The following EEF1E1 variants were observed in gnomAD, a reference collection of about 807,000 sequenced individuals.
EEF1E1 encodes eukaryotic translation elongation factor 1 epsilon 1.
Under a neutral mutation model 19.9 loss-of-function variants are expected in EEF1E1, and 19 were observed. The observed-to-expected ratio is 0.95, with a 90% confidence interval of 0.66 to 1.40. The LOEUF (loss-of-function observed/expected upper bound fraction) is 1.40, where lower values mean the gene tolerates loss of function less well. Ranked by LOEUF, EEF1E1 falls within the 40% of genes most tolerant of loss-of-function variation. EEF1E1 has a pLI of 0.00. For synonymous variants in EEF1E1, 81 were observed against 80.0 expected (o/e 1.01, Z -0.07); for missense variants, 198 against 202.2 (o/e 0.98, Z 0.13).
In EEF1E1 at chr6:8,073,548, A is replaced by G. The variant is rs549248889; in HGVS notation, c.385-38T>C. ...ATAAAAAAGGAGTTAATTCACTTAAAGCACTTAGAATAGTGCCTGATACAC... is the reference window on the plus strand; with the variant it reads ...ATAAAAAAGGAGTTAATTCACTTAAGGCACTTAGAATAGTGCCTGATACAC... On this transcript the variant is annotated intron_variant, in intron 3 of 3. Transcript: ENST00000429723. 2.0e-4 allele frequency: 307 copies of G among 1,551,392 alleles called. 5 individuals are homozygous for G. In the South Asian group the frequency reaches 3.5e-3, roughly 18 times the overall value.
downstream of EEF1E1, among the ~76,000 whole-genome samples, chr6:8,074,826 C>G (rs894755959): frequency 2.0e-5 from 3 of 152,066 alleles, no homozygotes; most frequent in African/African-American, 7.3e-5. Flanking sequence ...CTTGGTGGTA[C>G]CAAGTAATAC....
chr6:8,075,408 G>C (rs1212125759), downstream of EEF1E1, among the ~76,000 whole-genome samples: 3 of 152,112 alleles, frequency 2.0e-5, no homozygotes, highest in Non-Finnish European at 2.9e-5. Flanking sequence ...TTCCTTTCTA[G>C]ACCACCACAA....
chr6:8,090,934 T>G (rs1757997008), intron 2 of EEF1E1, among the ~76,000 whole-genome samples: 1 of 152,224 alleles, frequency 6.6e-6, no homozygotes, highest in East Asian at 1.9e-4. Flanking sequence ...TCGATTCCTG[T>G]GTCTATAGAC....
At chr6:8,078,453 T>A, downstream of EEF1E1, 1 of 234,454 alleles carries the variant, frequency 4.3e-6, no homozygotes, top group South Asian at 4.7e-5. Context: ...CACAGATCAG[T>A]TAACAGAGAG....
intron 2 of EEF1E1, chr6:8,095,376 AC>A: frequency 2.4e-6 from 1 of 423,684 alleles, no homozygotes; most frequent in Non-Finnish European, 4.7e-6. Flanking sequence ...GGTGGTGCAC[AC>A]CTGTAATCCC....
chr6:8,077,516 C>T (rs1757628941), downstream of EEF1E1, among the ~76,000 whole-genome samples: 1 of 152,210 alleles, frequency 6.6e-6, no homozygotes, highest in Non-Finnish European at 1.5e-5. Flanking sequence ...TCTACGTTAG[C>T]ACTTGCTGCT....
At chr6:8,079,358 G>C, downstream of EEF1E1, 1 of 965,352 alleles carries the variant, frequency 1.0e-6, no homozygotes, top group Non-Finnish European at 1.2e-6. Flanking sequence ...TCACCCCAAT[G>C]AGTACTGACT....
chr6:8,099,545 G>A (rs1447634851), intron 1 of EEF1E1, among the ~76,000 whole-genome samples: 3 of 152,128 alleles, frequency 2.0e-5, no homozygotes, highest in African/African-American at 4.8e-5. Context: ...TCGGGAGTAT[G>A]AGACTAGCCT....
downstream of EEF1E1, among the ~76,000 whole-genome samples, chr6:8,075,433 A>G (rs12195465): frequency 0.2 from 31,046 of 152,062 alleles, 3,531 homozygotes; most frequent in Non-Finnish European, 0.26. Flanking sequence ...GTATGACAAC[A>G]AAGTGAGTTG....
At chr6:8,102,318 G>T in intron 1 of EEF1E1, 117 bp downstream of exon 1, 1 of 1,089,678 alleles carries the variant, frequency 9.2e-7, no homozygotes, top group Non-Finnish European at 1.3e-6. Context: ...CACGTGGGGA[G>T]CTGGGTAGCA....
chr6:8,090,045 A>C, intron 3 of EEF1E1, 141 bp downstream of exon 3: 1 of 547,760 alleles, frequency 1.8e-6, no homozygotes, highest in Non-Finnish European at 3.0e-6. Context: ...GGTTTGTTAC[A>C]AAAGGCACCT....
At chr6:8,079,353 C>G, downstream of EEF1E1, 1 of 955,904 alleles carries the variant, frequency 1.0e-6, no homozygotes, top group Non-Finnish European at 1.2e-6. Flanking sequence ...TAGTTTCACC[C>G]CAATGAGTAC....
At chr6:8,097,572 C>G in intron 1 of EEF1E1, 105 bp from the exon 2 acceptor site, 2 of 809,186 alleles carry the variant, frequency 2.5e-6, no homozygotes, top group Non-Finnish European at 3.8e-6. Flanking sequence ...TGAAATAATC[C>G]TGGATTTTAC....
chr6:8,098,685 A>G (rs1487346482), intron 1 of EEF1E1, among the ~76,000 whole-genome samples: 1 of 152,208 alleles, frequency 6.6e-6, no homozygotes, highest in Non-Finnish European at 1.5e-5. Context: ...ATTGAAAGAA[A>G]ACAGTATGGA....
rs537134508 is a variant in EEF1E1 at position 8,099,936 on chromosome 6, A to G, written c.88-2469T>C. 7.4e-5 allele frequency among the ~76,000 whole-genome samples: 11 copies of G among 149,556 alleles called. No individual in the cohort carries two copies. The South Asian group carries it at 2.1e-3, about 29-fold the overall frequency. ...CCATAATTTAAAGAATCAATATCCTAGATAAGGATCTCTGAACTGCTTTCA... is the reference window on the plus strand; with the variant it reads ...CCATAATTTAAAGAATCAATATCCTGGATAAGGATCTCTGAACTGCTTTCA... On this transcript the variant is annotated intron_variant, in intron 1 of 3. Coordinates refer to ENST00000379715, the MANE Select transcript of EEF1E1 (RefSeq NM_004280.5).
intron 3 of EEF1E1, among the ~76,000 whole-genome samples, chr6:8,081,034 C>G (rs1252911785): frequency 6.6e-6 from 1 of 152,192 alleles, no homozygotes; most frequent in Non-Finnish European, 1.5e-5. Context: ...ATAAATCACT[C>G]CACATGCAGT....
At chr6:8,101,714 C>G (rs747499779) in intron 1 of EEF1E1, 2 of 1,277,950 alleles carry the variant, frequency 1.6e-6, no homozygotes, top group Non-Finnish European at 2.0e-6. Context: ...CTACGACAAA[C>G]AACTATAAAA....
In EEF1E1 at chr6:8,099,791, C is replaced by CAAAAAAAAA. The variant is rs3031799; in HGVS notation, c.88-2333_88-2325dup. ...ACACACACACACACACACACACACA[C>CAAAAAAAAA]AAAAAAAAAACAGAACCCTCTATAA... On this transcript the variant is annotated intron_variant, in intron 1 of 3. Coordinates refer to ENST00000379715, the MANE Select transcript of EEF1E1 (RefSeq NM_004280.5). Among the ~76,000 whole-genome samples, 4 of 114,628 alleles carry CAAAAAAAAA rather than the reference C, an allele frequency of 3.5e-5. 1 individual carries two copies. Among genetic ancestry groups the CAAAAAAAAA allele is most frequent in the Admixed American group, 8.5e-5 (1 of 11,834 alleles). The allele number at this position is 114,628 out of a possible 152,430, so 75.2% of individuals were successfully genotyped here.
chr6:8,087,290 T>A (rs1267248579), intron 3 of EEF1E1, among the ~76,000 whole-genome samples: 1 of 152,180 alleles, frequency 6.6e-6, no homozygotes, highest in Non-Finnish European at 1.5e-5. Flanking sequence ...CGATCTCTGC[T>A]CAGGGCAACC....
Sources: allele counts gnomAD v4.1 joint callset (sites outside exome capture counted in the v4.1 genomes callset), GRCh38; gene constraint gnomAD v4.1.1; transcripts MANE v1.5; gene names NCBI Gene and HGNC (gene_info 2026-07-23, HGNC 2026-07-21).